The following ADARB1 variants were observed in gnomAD, a reference collection of about 807,000 sequenced individuals.
The protein encoded by ADARB1 is adenosine deaminase RNA specific B1.
Under a neutral mutation model 52.4 loss-of-function variants are expected in ADARB1, and 10 were observed. That is an observed-to-expected ratio of 0.19 (90% CI 0.12 to 0.32). The LOEUF (loss-of-function observed/expected upper bound fraction) is 0.32. ADARB1 is among the 10% of genes least tolerant of loss of function. The probability of loss-of-function intolerance (pLI) is 1.00; values close to 1 mark genes in which losing one functional copy is unlikely to be tolerated. For missense variants in ADARB1, 643 were observed against 922.3 expected, an observed-to-expected ratio of 0.70 and a Z score of 3.92; for synonymous variants, 349 against 371.1, an observed-to-expected ratio of 0.94 and a Z score of 0.68.
chr21:45,102,251 CTG>C (rs1423627572), intron 1 of ADARB1, among the ~76,000 whole-genome samples: 2 of 152,154 alleles, frequency 1.3e-5, no homozygotes, highest in Admixed American at 1.3e-4. Flanking sequence ...ACCTTGGTGT[CTG>C]TCTGTTATCA....
chr21:45,109,292 A>C (rs431775), intron 1 of ADARB1, among the ~76,000 whole-genome samples: 1 of 148,476 alleles, frequency 6.7e-6, no homozygotes, highest in Admixed American at 6.7e-5. Context: ...GCGCTTGTGC[A>C]TATATGTGTG....
chr21:45,171,435 G>A (rs2091478597), intron 2 of ADARB1, among the ~76,000 whole-genome samples, 175 bp from the exon 3 acceptor site: 1 of 152,194 alleles, frequency 6.6e-6, no homozygotes, highest in Admixed American at 6.5e-5. Context: ...ATGTGCCAAG[G>A]AGGAGTATTT....
intron 1 of ADARB1, among the ~76,000 whole-genome samples, chr21:45,092,442 A>AT (rs1052862010): frequency 4.6e-5 from 7 of 152,112 alleles, no homozygotes; most frequent in African/African-American, 1.2e-4. Flanking sequence ...TCTGTTATCT[A>AT]TTTTTTTTAT....
chr21:45,176,942 C>G lies in ADARB1; in HGVS notation c.963+278C>G. The G allele has an allele frequency of 2.9e-6, 1 of 342,806 alleles. No individual in the cohort carries two copies. The highest frequency in any genetic ancestry group is 6.2e-5 in the South Asian group (1 of 16,150). 21.2% of individuals were successfully genotyped at this position (342,806 alleles called of 1,614,324 possible). On this transcript the variant is annotated intron_variant, in intron 4 of 10. Transcript: ENST00000348831. The surrounding 1 kb of genome is among the most constrained non-coding windows in gnomAD (Gnocchi z 5.8). ...GCAGTGTTTACAACACTATCCATAACTCCCTTCCCGTTAGGCAACCCCCCC... is the reference window on the plus strand; with the variant it reads ...GCAGTGTTTACAACACTATCCATAAGTCCCTTCCCGTTAGGCAACCCCCCC...
chr21:45,180,985 A>G (rs1442395442), intron 5 of ADARB1, among the ~76,000 whole-genome samples: 3 of 152,184 alleles, frequency 2.0e-5, no homozygotes, highest in African/African-American at 7.2e-5. Context: ...GAGTGAGAAC[A>G]CGCAGCAGCA....
Position 45,135,123 on chromosome 21 carries a change from C to A in ADARB1, c.-48+6550C>A, listed in dbSNP as rs149946976. 3.3e-4 allele frequency among the ~76,000 whole-genome samples: 50 copies of A among 152,320 alleles called. 2 individuals are homozygous for A. The East Asian group carries it at 9.6e-3, about 29-fold the overall frequency. On this transcript the variant is annotated intron_variant, in intron 2 of 10. Coordinates refer to ENST00000348831, the MANE Select transcript of ADARB1 (RefSeq NM_001112.4). The stretch of plus-strand genomic sequence containing the variant: ...CCAAAGGTTTATAGAAATGGGCAGA[C>A]CTGCTCTAAGGGGCCTGCTTGCTGA...
chr21:45,199,360 G>A (rs975290861), intron 8 of ADARB1, among the ~76,000 whole-genome samples: 5 of 152,184 alleles, frequency 3.3e-5, no homozygotes, highest in African/African-American at 9.7e-5. Flanking sequence ...GGCTCCACTC[G>A]CTATGGGGCA....
At chr21:45,151,482 C>A (rs768464654) in intron 2 of ADARB1, among the ~76,000 whole-genome samples, 3 of 152,206 alleles carry the variant, frequency 2.0e-5, no homozygotes, top group Non-Finnish European at 2.9e-5. Flanking sequence ...GAGAAAGAAT[C>A]TGACTAATTA....
At chr21:45,153,579 A>G (rs1015092325) in intron 2 of ADARB1, among the ~76,000 whole-genome samples, 1 of 152,008 alleles carries the variant, frequency 6.6e-6, no homozygotes, top group Non-Finnish European at 1.5e-5. Flanking sequence ...AGTAAAATTA[A>G]CCTCGGTTTT....
chr21:45,189,794 A>G (rs1327327065), intron 8 of ADARB1, among the ~76,000 whole-genome samples: 2 of 151,222 alleles, frequency 1.3e-5, no homozygotes, highest in Non-Finnish European at 2.9e-5. Context: ...CTGGCTTGCA[A>G]GGTTTCTGCT....
chr21:45,141,726 C>A (rs2089733512), intron 2 of ADARB1, among the ~76,000 whole-genome samples: 1 of 151,798 alleles, frequency 6.6e-6, no homozygotes, highest in African/African-American at 2.4e-5. Flanking sequence ...CACAGGATCA[C>A]CTTAGCATCC....
intron 2 of ADARB1, among the ~76,000 whole-genome samples, chr21:45,164,830 CAG>C (rs1290822937): frequency 6.6e-6 from 1 of 152,152 alleles, no homozygotes; most frequent in East Asian, 1.9e-4. Context: ...AGCGCAGAAG[CAG>C]ACAGGCTGAT....
At chr21:45,098,341 C>G (rs1010386601) in intron 1 of ADARB1, among the ~76,000 whole-genome samples, 1 of 152,226 alleles carries the variant, frequency 6.6e-6, no homozygotes. Flanking sequence ...CCACTCTCCC[C>G]GTCTCTGTCT....
Position 45,183,487 on chromosome 21 carries a change from C to A in ADARB1, c.1373C>A (p.Ser458Ter). Reference protein sequence around the residue: ...TSPCGDARIFSPHEPILEEPA... With the variant: ...TSPCGDARIF Reference sequence around the variant, plus strand: ...CCCTGTGGAGATGCCAGAATCTTCTCACCACATGAGCCAATCCTGGAAGGT... The same window carrying A: ...CCCTGTGGAGATGCCAGAATCTTCTAACCACATGAGCCAATCCTGGAAGGT... The change falls in exon 7 of 11, where the codon TCA becomes TAA. Residue 458 changes from serine (S) to a stop codon, truncating the protein, a stop_gained. Transcript: ENST00000348831. LOFTEE classifies it high-confidence loss of function. 1.2e-6 allele frequency: 2 copies of A among 1,611,588 alleles called. No homozygotes were observed. The highest frequency in any genetic ancestry group is 1.7e-6 in the Non-Finnish European group (2 of 1,179,372).
intron 1 of ADARB1, among the ~76,000 whole-genome samples, chr21:45,094,301 T>C (rs1466655175): frequency 6.6e-6 from 1 of 152,236 alleles, no homozygotes; most frequent in Non-Finnish European, 1.5e-5. Context: ...TTGGTCCGTG[T>C]CTTTATCAAG....
At chr21:45,134,496 CGG>C (rs956816465) in intron 2 of ADARB1, among the ~76,000 whole-genome samples, 45 of 149,924 alleles carry the variant, frequency 3.0e-4, no homozygotes, top group African/African-American at 1.1e-3. Flanking sequence ...TACGTACACT[CGG>C]GGTGTGTGTG....
chr21:45,214,021 A>G (rs1425596794), intron 9 of ADARB1, among the ~76,000 whole-genome samples: 1 of 152,164 alleles, frequency 6.6e-6, no homozygotes, highest in Non-Finnish European at 1.5e-5. Flanking sequence ...AGTGTGCGGG[A>G]GTTGTAGTTC....
intron 2 of ADARB1, among the ~76,000 whole-genome samples, chr21:45,139,200 C>G (rs1166591458): frequency 6.6e-6 from 1 of 152,116 alleles, no homozygotes; most frequent in Non-Finnish European, 1.5e-5. Flanking sequence ...GGATTACAGG[C>G]GTGAGTCACT....
chr21:45,146,684 G>A (rs999228507), intron 2 of ADARB1, among the ~76,000 whole-genome samples: 8 of 152,240 alleles, frequency 5.3e-5, no homozygotes, highest in Non-Finnish European at 1.0e-4. Context: ...TTTTGAAAAC[G>A]TGAGTGTGTC....
Sources: gnomAD v4.1 joint callset for allele counts (sites outside exome capture counted in the v4.1 genomes callset) on GRCh38, gnomAD v4.1.1 for gene constraint, Gnocchi (gnomAD v3.1) non-coding constraint, MANE v1.5 for transcripts, NCBI Gene and HGNC (gene_info 2026-07-23, HGNC 2026-07-21) for gene names.